The following ODAD1 variants were observed in gnomAD, a reference collection of about 807,000 sequenced individuals.
ODAD1 encodes outer dynein arm docking complex subunit 1, also known as outer dynein arm-docking complex subunit 1.
ODAD1 carries 49 observed loss-of-function variants against 67.2 expected under a neutral mutation model. That is an observed-to-expected ratio of 0.73 (90% confidence interval 0.58 to 0.92). The LOEUF is 0.92. Ranked by LOEUF, ODAD1 falls within the 40% of genes least tolerant of loss-of-function variation. ODAD1 has a pLI of 0.00. For missense variants in ODAD1, 897 were observed against 953.7 expected, an observed-to-expected ratio of 0.94 and a Z score of 0.78; for synonymous variants, 345 against 393.7, an observed-to-expected ratio of 0.88 and a Z score of 1.46.
Position 48,296,985 on chromosome 19 carries a change from G to A in ODAD1, c.2115C>T (p.Ser705=). The change falls in exon 16 of 16, where the codon TCC becomes TCT. Residue 705 remains serine, a synonymous_variant. Coordinates refer to ENST00000674294, the MANE Select transcript of ODAD1 (RefSeq NM_001364171.2). The stretch of plus-strand genomic sequence containing the variant: ...CTGCGTGCCCCTCGTGTTAGCCCCG[G>A]GAGTCTTTGCTGGTGGAGGAGCCCG... ...TGPGSSTSKD[S]RG 1 of 1,601,650 alleles carries A rather than the reference G, an allele frequency of 6.2e-7. No homozygotes were observed. Among genetic ancestry groups the A allele is most frequent in the South Asian group, 1.1e-5 (1 of 89,966 alleles).
At chr19:48,316,715 G>A (rs927822717) in intron 5 of ODAD1, among the ~76,000 whole-genome samples, 2 of 152,044 alleles carry the variant, frequency 1.3e-5, no homozygotes, top group East Asian at 1.9e-4. Flanking sequence ...AAGGGGTTCC[G>A]AGCCAGGCAC....
chr19:48,297,078 A>G lies in ODAD1; in HGVS notation c.2022T>C (p.Asp674=). 2 of 1,613,260 alleles carry G rather than the reference A, an allele frequency of 1.2e-6. No individual in the cohort carries two copies. The highest frequency in any genetic ancestry group is 1.7e-6 in the Non-Finnish European group (2 of 1,179,562). ...TGCTGGACCCGAGGCCTCCGCTCGAATCAGACGCTGTGCCTCCGCTCTCCA... is the reference window on the plus strand; with the variant it reads ...TGCTGGACCCGAGGCCTCCGCTCGAGTCAGACGCTGTGCCTCCGCTCTCCA... ...GGVESGGTAS[D]SSGGLGSSRD... The change falls in exon 16 of 16, where the codon GAT becomes GAC. Residue 674 remains aspartate (D), a synonymous_variant. Coordinates refer to ENST00000674294, the MANE Select transcript of ODAD1 (RefSeq NM_001364171.2).
chr19:48,318,955 A>G (rs1968971960), intron 3 of ODAD1, 143 bp from the exon 4 acceptor site: 1 of 614,338 alleles, frequency 1.6e-6, no homozygotes, highest in African/African-American at 1.8e-5. Flanking sequence ...CCCTCTAGGA[A>G]TGCACCTCAG....
chr19:48,319,203 C>T (rs1968979137), intron 3 of ODAD1, among the ~76,000 whole-genome samples: 1 of 152,006 alleles, frequency 6.6e-6, no homozygotes, highest in African/African-American at 2.4e-5. Flanking sequence ...CAACCCATCC[C>T]CTGGGCTCAG....
chr19:48,310,098 G>A (rs1968716571), intron 7 of ODAD1, among the ~76,000 whole-genome samples: 1 of 152,164 alleles, frequency 6.6e-6, no homozygotes, highest in Non-Finnish European at 1.5e-5. Context: ...GCCGGGCATG[G>A]TGGTGCATGC....
intron 3 of ODAD1, 64 bp downstream of exon 3, chr19:48,320,235 G>A: frequency 1.6e-5 from 17 of 1,088,066 alleles, no homozygotes; most frequent in Non-Finnish European, 2.0e-5. Flanking sequence ...TACAGGACCT[G>A]GAACTTGGGA....
At position 48,297,647 on chromosome 19, in the gene ODAD1, C is replaced by G; in HGVS notation, c.1524G>C (p.Glu508Asp). ...TGCTCATGGGGTAGTCATCGCTGGC[C>G]TCAAAACCCGGGGGGTCTTCTCTGG... ...PDTLEDPPGFEASDDYPMSRE... is the reference protein window; with the variant it reads ...PDTLEDPPGFDASDDYPMSRE... The change falls in exon 15 of 16, where the codon GAG becomes GAC. Residue 508 changes from glutamate to aspartate, a missense_variant. Glu to Asp is a conservative substitution (Grantham distance 45, BLOSUM62 2). Coordinates refer to ENST00000674294, the MANE Select transcript of ODAD1 (RefSeq NM_001364171.2). 1 of 1,518,342 alleles carries G rather than the reference C, an allele frequency of 6.6e-7. No homozygotes were observed. Among genetic ancestry groups the G allele is most frequent in the Non-Finnish European group, 8.8e-7 (1 of 1,135,208 alleles). The allele number at this position is 1,518,342 out of a possible 1,614,324, so 94.1% of individuals were successfully genotyped here.
chr19:48,296,609 C>A lies in ODAD1; in HGVS notation c.*367G>T. The A allele has an allele frequency of 3.6e-6, 1 of 275,568 alleles. No individual in the cohort carries two copies. Among genetic ancestry groups the A allele is most frequent in the South Asian group, 8.3e-5 (1 of 11,996 alleles). 17.1% of individuals were successfully genotyped at this position (275,568 alleles called of 1,614,324 possible). On this transcript the variant is annotated 3_prime_UTR_variant, in exon 16 of 16. Transcript: ENST00000674294. ...ACAGGGACACAGGATGCGTGGAGAG[C>A]CTGGGAGATGGAGATGAGGAGAGAG...
chr19:48,311,947 C>A (rs750602665), intron 6 of ODAD1, 47 bp downstream of exon 6: 1 of 1,536,326 alleles, frequency 6.5e-7, no homozygotes. Flanking sequence ...CCAGTTCTTC[C>A]CATAACCGCA....
At position 48,304,072 on chromosome 19, in the gene ODAD1, A is replaced by G. The variant is rs760357218; in HGVS notation, c.734T>C (p.Met245Thr). 3.7e-6 allele frequency: 6 copies of G among 1,613,982 alleles called. No individual in the cohort carries two copies. The highest frequency in any genetic ancestry group is 5.1e-6 in the Non-Finnish European group (6 of 1,180,000). The change falls in exon 9 of 16, where the codon ATG becomes ACG. Residue 245 changes from methionine to threonine, a missense_variant. Met to Thr is a moderately conservative substitution (Grantham distance 81). Transcript: ENST00000674294. ...CTGCCGCTGCAGGACCTGCGCCTCC[A>G]TCTCGCTCTGGGCCTCCTCTTTCTC... ...RAEKEEAQSE[M>T]EAQVLQRQIL...
At chr19:48,302,600 G>C in intron 12 of ODAD1, 94 bp downstream of exon 12, 1 of 1,009,004 alleles carries the variant, frequency 9.9e-7, no homozygotes, top group South Asian at 1.5e-5. Context: ...AAGTGAACCA[G>C]GTTGTCCATG....
chr19:48,306,631 T>C lies in ODAD1; in HGVS notation c.598-308A>G, dbSNP rs73942223. On this transcript the variant is annotated intron_variant, in intron 7 of 15. Transcript: ENST00000674294. ...AATGACGTTTCCCTAGGAGACCTTT[T>C]GGAATAGTTTGATTTGAGAACCTTG... 3.9e-3 allele frequency among the ~76,000 whole-genome samples: 598 copies of C among 152,314 alleles called. 3 individuals are homozygous for C. The highest frequency in any genetic ancestry group is 0.011 in the African/African-American group (460 of 41,582).
At chr19:48,315,420 C>T (rs1301106841) in intron 5 of ODAD1, among the ~76,000 whole-genome samples, 1 of 152,042 alleles carries the variant, frequency 6.6e-6, no homozygotes, top group Non-Finnish European at 1.5e-5. Flanking sequence ...GGCAGGCACC[C>T]GTAGTCCCAA....
At position 48,296,763 on chromosome 19, in the gene ODAD1, G is replaced by C; in HGVS notation, c.*213C>G. On this transcript the variant is annotated 3_prime_UTR_variant, in exon 16 of 16. Transcript: ENST00000674294. ...GAGAACAGGAGATCAGGAGTCAGAG[G>C]GAAAAGCAGTGTCAGGAGCAGAGAG... 7.1e-7 allele frequency: 1 copy of C among 1,399,410 alleles called. No individual in the cohort carries two copies. Among genetic ancestry groups the C allele is most frequent in the Non-Finnish European group, 9.2e-7 (1 of 1,083,356 alleles). 86.7% of individuals were successfully genotyped at this position (1,399,410 alleles called of 1,614,324 possible).
chr19:48,301,061 G>T (rs1968451083), intron 12 of ODAD1: 1 of 152,474 alleles, frequency 6.6e-6, no homozygotes, highest in Non-Finnish European at 1.5e-5. Flanking sequence ...GGAAGCGGAG[G>T]TTGCAGTGAG....
At chr19:48,311,438 G>A (rs141209509) in intron 7 of ODAD1, 115 bp downstream of exon 7, 341 of 659,596 alleles carry the variant, frequency 5.2e-4, no homozygotes, top group African/African-American at 3.2e-3. Context: ...CAAGCCTACC[G>A]CTCTAGTCAA....
chr19:48,302,821 G>A lies in ODAD1; in HGVS notation c.1113C>T (p.Asp371=). ...GCTGCTGCTCCTGCAGCAAATGCTG[G>A]TCATCCTTGCTGGCACGTGCGCTCA... ...ALVSARASKD[D]QHLLQEQQQK... is the part of the protein sequence containing the mutation. Residue 371 remains aspartate, a synonymous_variant, in exon 12 of 16, where the codon GAC becomes GAT. Transcript: ENST00000674294. The A allele has an allele frequency of 6.2e-7, 1 of 1,614,058 alleles. No individual in the cohort carries two copies. The highest frequency in any genetic ancestry group is 8.5e-7 in the Non-Finnish European group (1 of 1,180,012).
At chr19:48,313,450 AAAAAAAAC>A (rs2147330230) in intron 5 of ODAD1, among the ~76,000 whole-genome samples, 5 of 140,050 alleles carry the variant, frequency 3.6e-5, no homozygotes, top group Non-Finnish European at 4.7e-5. Flanking sequence ...AAAAAAACCA[AAAAAAAAC>A]CTCACATGTT....
At chr19:48,311,968 C>A (rs529851582) in intron 6 of ODAD1, 26 bp downstream of exon 6, 1 of 1,547,674 alleles carries the variant, frequency 6.5e-7, no homozygotes, top group Non-Finnish European at 8.7e-7. Flanking sequence ...CAATTCAGGT[C>A]GAGGGACCAG....
Sources: gnomAD v4.1 joint callset for allele counts (sites outside exome capture counted in the v4.1 genomes callset) on GRCh38, gnomAD v4.1.1 for gene constraint, MANE v1.5 for transcripts, NCBI Gene and HGNC (gene_info 2026-07-23, HGNC 2026-07-21) for gene names.